Variants in LMO7 observed in about 807,000 individuals in gnomAD.
LMO7 encodes the protein LIM domain only protein 7.
LMO7 carries 120 observed loss-of-function variants against 206.5 expected under a neutral mutation model. The observed-to-expected ratio is 0.58, with a 90% CI of 0.50 to 0.68. LMO7 has a LOEUF of 0.68. Among genes scored for constraint, LMO7 ranks in the 30% least tolerant of loss-of-function variants. The pLI is 0.00. For missense variants in LMO7, 1,959 were observed against 1,957.9 expected (o/e 1.00, Z -0.01); for synonymous variants, 706 against 681.5 (o/e 1.04, Z -0.56).
Position 75,853,110 on chromosome 13 carries a change from C to T in LMO7, c.4383C>T (p.Asn1461=), listed in dbSNP as rs573079106. 5.6e-6 allele frequency: 9 copies of T among 1,606,156 alleles called. No homozygotes were observed. The South Asian group carries it at 1.0e-4, about 18-fold the overall frequency. ...GTTTCAGAGGCGAATCTTTAGATAACCTGGACTCCCCCCGATCCAATTCTT... is the reference window on the plus strand; with the variant it reads ...GTTTCAGAGGCGAATCTTTAGATAATCTGGACTCCCCCCGATCCAATTCTT... ...GIMRRGESLD[N]LDSPRSNSWR... The change falls in exon 28 of 31, where the codon AAC becomes AAT. Residue 1461 remains asparagine, a synonymous_variant. Transcript: ENST00000377534.
chr13:75,765,731 T>C (rs899444556), intron 4 of LMO7, among the ~76,000 whole-genome samples: 17 of 152,138 alleles, frequency 1.1e-4, no homozygotes, highest in African/African-American at 4.1e-4. Context: ...ATGAGGCAGG[T>C]CTGATGCTGG....
At chr13:75,760,775 G>A (rs755068632) in intron 3 of LMO7, 157 bp from the exon 4 acceptor site, 51 of 1,539,244 alleles carry the variant, frequency 3.3e-5, no homozygotes, top group Non-Finnish European at 4.4e-5. Flanking sequence ...CAAGCCCTAT[G>A]TATTTTTTTT....
intron 21 of LMO7, 91 bp downstream of exon 21, chr13:75,840,201 C>T (rs770407053): frequency 3.5e-6 from 5 of 1,427,314 alleles, no homozygotes; most frequent in Middle Eastern, 1.8e-4. Context: ...TTTTAGGTTG[C>T]ATAAGAATTT....
rs1359698511 is a variant in LMO7, at chr13:75,748,910, C to G, written c.211-12022C>G. Among the ~76,000 whole-genome samples the G allele has an allele frequency of 2.0e-5, 3 of 151,514 alleles. No individual in the cohort carries two copies. The East Asian group carries it at 5.8e-4, about 29-fold the overall frequency. The stretch of plus-strand genomic sequence containing the variant: ...ATTGCAACCTCCTCCTCCTGGGCTC[C>G]CAGTGATCCTCCCATCTCAGCCTCT... On this transcript the variant is annotated intron_variant, in intron 3 of 30. Transcript: ENST00000377534.
At chr13:75,840,821 A>G (rs1236143310) in intron 22 of LMO7, among the ~76,000 whole-genome samples, 4 of 152,150 alleles carry the variant, frequency 2.6e-5, no homozygotes, top group African/African-American at 9.7e-5. Context: ...AGAGTAATTC[A>G]GCCCCCGCTT....
At chr13:75,698,076 T>C (rs538456999) in intron 1 of LMO7, among the ~76,000 whole-genome samples, 2 of 152,234 alleles carry the variant, frequency 1.3e-5, no homozygotes, top group South Asian at 2.1e-4. Context: ...AAGTGAATTA[T>C]GGAAAAAGAC....
Position 75,729,059 on chromosome 13 carries a change from G to C in LMO7, c.210+1961G>C, listed in dbSNP as rs550719657. ...GTAGTATAGTTTGAGGTCAGGTAGC[G>C]TGATGCCTCCAGCTTTGTTCTTTTG... On this transcript the variant is annotated intron_variant, in intron 3 of 30. Transcript: ENST00000377534. Among the ~76,000 whole-genome samples the C allele has an allele frequency of 8.3e-3, 1,262 of 152,198 alleles. 19 individuals are homozygous for C. Among genetic ancestry groups the C allele is most frequent in the African/African-American group, 0.028 (1,154 of 41,514 alleles).
chr13:75,841,767 A>C lies in LMO7; in HGVS notation c.3815A>C (p.Gln1272Pro). Residue 1272 changes from glutamine (Q) to proline (P), a missense_variant, in exon 24 of 31, where the codon CAG (glutamine) becomes CCG (proline). Physicochemically the swap from Gln to Pro is moderately conservative, Grantham distance 76. Transcript: ENST00000377534. The stretch of plus-strand genomic sequence containing the variant: ...CGAGCAGGAGAAGAGGAGAGGAGAC[A>C]GCCACAAGAGGAAGTTGTTCATGAG... ...GTRAGEEERRQPQEEVVHEDQ... is the reference protein window; with the variant it reads ...GTRAGEEERRPPQEEVVHEDQ... 1.9e-6 allele frequency: 3 copies of C among 1,614,120 alleles called. No individual in the cohort carries two copies. The highest frequency in any genetic ancestry group is 2.5e-6 in the Non-Finnish European group (3 of 1,179,996).
At chr13:75,833,836 C>T (rs1297961442) in intron 16 of LMO7, among the ~76,000 whole-genome samples, 2 of 152,028 alleles carry the variant, frequency 1.3e-5, no homozygotes, top group African/African-American at 4.8e-5. Flanking sequence ...TAATTTTAAG[C>T]AGTTTTAAAT....
At chr13:75,656,832 T>C (rs1945592463) in intron 1 of LMO7, among the ~76,000 whole-genome samples, 1 of 152,206 alleles carries the variant, frequency 6.6e-6, no homozygotes, top group Non-Finnish European at 1.5e-5. Context: ...AGCCTCCTTT[T>C]CCCTTCCCTT....
chr13:75,724,184 A>G (rs545083664), intron 2 of LMO7, among the ~76,000 whole-genome samples: 1 of 152,228 alleles, frequency 6.6e-6, no homozygotes, highest in Admixed American at 6.6e-5. Context: ...GGAGAAGGAG[A>G]GAAATTGCAG....
At chr13:75,641,857 A>G (rs1411281901) in intron 1 of LMO7, among the ~76,000 whole-genome samples, 2 of 149,212 alleles carry the variant, frequency 1.3e-5, no homozygotes, top group Non-Finnish European at 3.0e-5. Flanking sequence ...ACAGGGTTTC[A>G]CTGTATTGCT....
At position 75,799,467 on chromosome 13, in the gene LMO7, G is replaced by A. The variant is rs536630990; in HGVS notation, c.463-1217G>A. ...TATTTCTCCCCCAAATACTCAGTAT[G>A]CATCTCCTAAGAATATGAATATTCT... On this transcript the variant is annotated intron_variant, in intron 6 of 30. Coordinates refer to ENST00000377534, the MANE Select transcript of LMO7 (RefSeq NM_001306080.2). 8.5e-5 allele frequency among the ~76,000 whole-genome samples: 13 copies of A among 152,212 alleles called. No individual in the cohort carries two copies. The East Asian group carries it at 2.1e-3, about 25-fold the overall frequency.
Position 75,840,464 on chromosome 13 carries a change from G to T in LMO7, c.3551G>T (p.Arg1184Met), listed in dbSNP as rs536002596. The change falls in exon 22 of 31, where the codon AGG becomes ATG. Residue 1184 changes from arginine to methionine, a missense_variant. Physicochemically the swap from Arg to Met is moderately conservative, Grantham distance 91 (BLOSUM62 -1). Transcript: ENST00000377534. ...GAGGAGGAGCGGAAGCGGCAGGAGA[G>T]GTGGCAGAAGGAGCAGGACCGCCTA... ...DQEEERKRQE[R>M]WQKEQDRLLQ... 169 of 1,613,940 alleles carry T rather than the reference G, an allele frequency of 1.0e-4. 2 individuals are homozygous for T. In the South Asian group the frequency reaches 1.8e-3, roughly 17 times the overall value.
At chr13:75,628,755 C>T (rs1467799913) in intron 2 of LMO7, among the ~76,000 whole-genome samples, 1 of 152,076 alleles carries the variant, frequency 6.6e-6, no homozygotes, top group Admixed American at 6.6e-5. Context: ...CAATTATTTC[C>T]AGCCAACAGG....
intron 2 of LMO7, among the ~76,000 whole-genome samples, chr13:75,724,923 G>A (rs145005121): frequency 2.0e-5 from 3 of 152,124 alleles, no homozygotes; most frequent in East Asian, 1.9e-4. Context: ...GCTCATTTCC[G>A]TGTTTGCACA....
Position 75,760,676 on chromosome 13 carries a change from A to G in LMO7, c.211-256A>G, listed in dbSNP as rs541946714. 3.8e-5 allele frequency: 57 copies of G among 1,516,812 alleles called. No individual in the cohort carries two copies. The African/African-American group carries it at 7.2e-4, about 19-fold the overall frequency. 94.0% of individuals were successfully genotyped at this position (1,516,812 alleles called of 1,614,324 possible). On this transcript the variant is annotated intron_variant, in intron 3 of 30. Transcript: ENST00000377534. ...CTTGTCCTGTAACAGGTAATGTTTA[A>G]CGTGCCAGTCACAAAGATCACAGAA...
At chr13:75,623,960 G>C (rs1218793576) in intron 2 of LMO7, among the ~76,000 whole-genome samples, 1 of 152,110 alleles carries the variant, frequency 6.6e-6, no homozygotes, top group African/African-American at 2.4e-5. Context: ...CAACCTTTTG[G>C]AGTTACACCT....
intron 4 of LMO7, among the ~76,000 whole-genome samples, chr13:75,763,899 A>C (rs545327074): frequency 2.0e-5 from 3 of 150,996 alleles, no homozygotes; most frequent in Non-Finnish European, 4.4e-5. Flanking sequence ...CAGGACTCCA[A>C]CTGTTTTTCA....
Sources: allele counts gnomAD v4.1 joint callset (sites outside exome capture counted in the v4.1 genomes callset), GRCh38; gene constraint gnomAD v4.1.1; transcripts MANE v1.5; gene names NCBI Gene and HGNC (gene_info 2026-07-23, HGNC 2026-07-21).